The following DDC variants were observed in gnomAD, a reference collection of about 807,000 sequenced individuals.
DDC encodes the protein aromatic-L-amino-acid decarboxylase.
In DDC, 43 loss-of-function variants were observed where a neutral mutation model predicts 60.0. That is an observed-to-expected ratio of 0.72 (90% CI 0.56 to 0.92). DDC has a LOEUF of 0.92. DDC is among the 40% of genes least tolerant of loss of function. The pLI is 0.00. For missense variants in DDC, 573 were observed against 620.2 expected, an observed-to-expected ratio of 0.92 and a Z score of 0.81; for synonymous variants, 232 against 234.6, an observed-to-expected ratio of 0.99 and a Z score of 0.10.
chr7:50,482,152 T>C (rs2042783402), intron 9 of DDC, among the ~76,000 whole-genome samples: 1 of 152,202 alleles, frequency 6.6e-6, no homozygotes, highest in African/African-American at 2.4e-5. Context: ...TACGGCCGTA[T>C]TCAATAGCTC....
intron 4 of DDC, among the ~76,000 whole-genome samples, chr7:50,532,049 CACA>C (rs1211757062): frequency 6.6e-6 from 1 of 152,214 alleles, no homozygotes. Context: ...TGTCCAGCCT[CACA>C]ACAACAGTTT....
chr7:50,468,469 A>G (rs1182897399), intron 12 of DDC, among the ~76,000 whole-genome samples: 1 of 152,158 alleles, frequency 6.6e-6, no homozygotes. Context: ...AAATGGGTAG[A>G]GGGGGATTTC....
intron 10 of DDC, 85 bp from the exon 11 acceptor site, chr7:50,476,728 A>C: frequency 7.5e-7 from 1 of 1,330,532 alleles, no homozygotes; most frequent in Non-Finnish European, 1.1e-6. Flanking sequence ...TTTCCAGGTA[A>C]ATTTCTTGTG....
At chr7:50,540,127 C>T in intron 2 of DDC, 99 bp from the exon 3 acceptor site, 2 of 839,038 alleles carry the variant, frequency 2.4e-6, no homozygotes, top group Non-Finnish European at 4.0e-6. Context: ...CTGCCAGATG[C>T]AGCCAGACCC....
At chr7:50,549,278 T>A (rs2044903858) in intron 1 of DDC, among the ~76,000 whole-genome samples, 2 of 152,198 alleles carry the variant, frequency 1.3e-5, no homozygotes, top group Non-Finnish European at 2.9e-5. Context: ...GCATCTGCCA[T>A]AGATAGTCAT....
At chr7:50,549,041 T>C (rs1251452694) in intron 1 of DDC, among the ~76,000 whole-genome samples, 2 of 152,250 alleles carry the variant, frequency 1.3e-5, no homozygotes, top group African/African-American at 2.4e-5. Flanking sequence ...GTTTACAGTA[T>C]GGTTTACTGA....
chr7:50,499,337 G>A (rs1563005487), intron 7 of DDC, 95 bp from the exon 8 acceptor site: 1 of 791,594 alleles, frequency 1.3e-6, no homozygotes, highest in Non-Finnish European at 2.1e-6. Flanking sequence ...TTCTTGGGTA[G>A]AGCATGCCAA....
chr7:50,477,862 A>G (rs916188726), intron 10 of DDC, among the ~76,000 whole-genome samples: 1 of 152,186 alleles, frequency 6.6e-6, no homozygotes, highest in Admixed American at 6.5e-5. Flanking sequence ...ACCACTGCAA[A>G]TGAAACAACA....
intron 7 of DDC, among the ~76,000 whole-genome samples, chr7:50,503,602 C>T (rs2043309295): frequency 1.3e-5 from 2 of 152,254 alleles, no homozygotes; most frequent in East Asian, 1.9e-4. Flanking sequence ...AAGGGATATA[C>T]CAAAGAATTA....
chr7:50,554,453 G>A (rs143266901), intron 1 of DDC, among the ~76,000 whole-genome samples: 54 of 152,238 alleles, frequency 3.5e-4, no homozygotes, highest in African/African-American at 1.2e-3. Context: ...CTCATTTTGA[G>A]GCTTTTGAGG....
chr7:50,545,601 TA>T (rs1223149563), intron 1 of DDC, among the ~76,000 whole-genome samples: 1 of 152,152 alleles, frequency 6.6e-6, no homozygotes, highest in Admixed American at 6.5e-5. Flanking sequence ...GTCTCCTGAG[TA>T]GCTGGGATTA....
intron 4 of DDC, chr7:50,531,707 C>T (rs2044215688): frequency 6.6e-6 from 1 of 152,044 alleles, no homozygotes; most frequent in African/African-American, 2.4e-5. Flanking sequence ...CACCCCGATG[C>T]CACCAGGGTG....
At chr7:50,531,904 G>A (rs781638309) in intron 4 of DDC, 1 of 152,222 alleles carries the variant, frequency 6.6e-6, no homozygotes, top group African/African-American at 2.4e-5. Flanking sequence ...TGCTGGTAAG[G>A]TCTGACGCTT....
chr7:50,513,299 G>T (rs888251893), intron 6 of DDC, among the ~76,000 whole-genome samples: 1 of 152,186 alleles, frequency 6.6e-6, no homozygotes, highest in Admixed American at 6.5e-5. Flanking sequence ...AAAATACAGG[G>T]GTAGAGGAAG....
At chr7:50,528,083 T>C (rs983356269) in intron 6 of DDC, 54 bp downstream of exon 6, 6 of 1,599,032 alleles carry the variant, frequency 3.8e-6, no homozygotes, top group Non-Finnish European at 5.1e-6. Context: ...GTATTTTTAG[T>C]AGAGACGGAG....
chr7:50,459,997 C>T (rs1375970744), intron 14 of DDC, among the ~76,000 whole-genome samples: 5 of 145,560 alleles, frequency 3.4e-5, no homozygotes, highest in Non-Finnish European at 7.5e-5. Flanking sequence ...TGCCCGGCTG[C>T]CCCTACTGGG....
At chr7:50,543,452 C>T (rs571614946) in intron 2 of DDC, 10 of 297,568 alleles carry the variant, frequency 3.4e-5, no homozygotes, top group African/African-American at 1.1e-4. Context: ...CTAAAGAAAA[C>T]GTTTCTTCCA....
chr7:50,505,692 A>G (rs899354176), intron 6 of DDC, among the ~76,000 whole-genome samples: 2 of 152,232 alleles, frequency 1.3e-5, no homozygotes, highest in Non-Finnish European at 2.9e-5. Context: ...GGGCTGGACA[A>G]GGTACTTCTC....
In DDC at chr7:50,523,060, A is replaced by C. The variant is rs113731703; in HGVS notation, c.714+5077T>G. On this transcript the variant is annotated intron_variant, in intron 6 of 14. Transcript: ENST00000444124. Reference sequence around the variant, plus strand: ...CCCTAACACTGAGGATTACAATTCCACATGGATTCGGGTTGGGACACAGAG... The same window carrying C: ...CCCTAACACTGAGGATTACAATTCCCCATGGATTCGGGTTGGGACACAGAG... Among the ~76,000 whole-genome samples, 267 of 152,348 alleles carry C rather than the reference A, an allele frequency of 1.8e-3. 2 individuals carry two copies. Among genetic ancestry groups the C allele is most frequent in the African/African-American group, 6.1e-3 (252 of 41,588 alleles).
Sources: gnomAD v4.1 joint callset for allele counts (sites outside exome capture counted in the v4.1 genomes callset) on GRCh38, gnomAD v4.1.1 for gene constraint, MANE v1.5 for transcripts, NCBI Gene and HGNC (gene_info 2026-07-23, HGNC 2026-07-21) for gene names.